ISOC1: variants seen among roughly 807,000 people sequenced by gnomAD.
ISOC1 encodes isochorismatase domain-containing protein 1.
Under a neutral mutation model 30.0 loss-of-function variants are expected in ISOC1, and 33 were observed. The ratio of observed to expected loss-of-function variants is 1.10; its 90% CI spans 0.83 to 1.47. The LOEUF (loss-of-function observed/expected upper bound fraction) is 1.47. Among genes scored for constraint, ISOC1 ranks in the 40% most tolerant of loss-of-function variants. The pLI, the probability that ISOC1 is intolerant of heterozygous loss-of-function variation, is 0.00. For missense variants in ISOC1, 372 were observed against 388.0 expected, an observed-to-expected ratio of 0.96 and a Z score of 0.35; for synonymous variants, 178 against 159.8, an observed-to-expected ratio of 1.11 and a Z score of -0.86.
At chr5:129,097,284 G>A (rs536619170) in intron 1 of ISOC1, among the ~76,000 whole-genome samples, 1 of 152,184 alleles carries the variant, frequency 6.6e-6, no homozygotes, top group Non-Finnish European at 1.5e-5. Context: ...TAGCTTAGAG[G>A]TAGATAAAGG....
chr5:129,112,333 A>C (rs1321134165), intron 4 of ISOC1, among the ~76,000 whole-genome samples: 1 of 152,102 alleles, frequency 6.6e-6, no homozygotes, highest in Middle Eastern at 3.2e-3. Context: ...ACAGAGGGGG[A>C]AAAGTGGACA....
At chr5:129,106,527 G>A (rs1753640085) in intron 3 of ISOC1, among the ~76,000 whole-genome samples, 1 of 152,036 alleles carries the variant, frequency 6.6e-6, no homozygotes, top group Non-Finnish European at 1.5e-5. Flanking sequence ...TTCCCACTAA[G>A]TTCTCAGTCT....
In ISOC1 at chr5:129,113,128, C is replaced by A; in HGVS notation, c.*127C>A. On this transcript the variant is annotated 3_prime_UTR_variant, in exon 5 of 5. Coordinates refer to ENST00000173527, the MANE Select transcript of ISOC1 (RefSeq NM_016048.2). ...TAAGTCAAAAACGGCTCCTTTTTTG[C>A]GCCTCCTAGTGAAACTTAACCAGCT... 1.2e-6 allele frequency: 1 copy of A among 809,194 alleles called. No homozygotes were observed. The highest frequency in any genetic ancestry group is 1.8e-6 in the Non-Finnish European group (1 of 547,158). The allele number at this position is 809,194 out of a possible 1,614,324, so 50.1% of individuals were successfully genotyped here.
Position 129,095,062 on chromosome 5 carries a change from C to A in ISOC1, c.296C>A (p.Pro99Gln). 6.3e-7 allele frequency: 1 copy of A among 1,578,854 alleles called. No homozygotes were observed. The highest frequency in any genetic ancestry group is 8.6e-7 in the Non-Finnish European group (1 of 1,165,828). ...VSERCKVRLV[P>Q]LQIQLTTLGN... ...GAGCGCTGCAAGGTGCGCCTCGTGC[C>A]GTTGCAGATCCAGGTGGGTCCTGCG... is the stretch of plus-strand genomic sequence containing the variant. Residue 99 changes from proline to glutamine, a missense_variant, in exon 1 of 5, where the codon CCG becomes CAG. Pro to Gln is a moderately conservative substitution (Grantham distance 76, BLOSUM62 -1). Transcript: ENST00000173527.
At chr5:129,099,815 A>G (rs977390036) in intron 1 of ISOC1, among the ~76,000 whole-genome samples, 3 of 152,222 alleles carry the variant, frequency 2.0e-5, no homozygotes, top group African/African-American at 4.8e-5. Context: ...GATTGATTAT[A>G]TGAAGCCCAT....
rs1156603818 is a variant in ISOC1, at chr5:129,101,161, CAAAAAAAAAAAA to C, written c.310-3774_310-3763del. Among the ~76,000 whole-genome samples, 39 of 19,494 alleles carry C rather than the reference CAAAAAAAAAAAA, an allele frequency of 2.0e-3. 1 individual carries two copies. The highest frequency in any genetic ancestry group is 2.2e-3 in the Admixed American group (2 of 906). 12.8% of individuals were successfully genotyped at this position (19,494 alleles called of 152,430 possible). On this transcript the variant is annotated intron_variant, in intron 1 of 4. Transcript: ENST00000173527. ...AGCTGGGCCACCAAGCTCAGCTAAT[CAAAAAAAAAAAA>C]AAAAAAAAAAAAAAAAAAAATATAT... is the stretch of plus-strand genomic sequence containing the variant.
rs747577941 is a variant in ISOC1 at position 129,106,991 on chromosome 5, G to A, written c.679G>A (p.Gly227Arg). Residue 227 changes from glycine to arginine, a missense_variant, in exon 4 of 5, where the codon GGA becomes AGA. Gly to Arg is a moderately radical substitution (Grantham distance 125). Transcript: ENST00000173527. ...AACTGCCCTGGAGCTAGTTGGCCGA[G>A]GAGTCGAGGTTCACATTGTTGCTGA... is the stretch of plus-strand genomic sequence containing the variant. ...QQTALELVGR[G>R]VEVHIVADAT... 6.2e-7 allele frequency: 1 copy of A among 1,613,858 alleles called. No homozygotes were observed. Among genetic ancestry groups the A allele is most frequent in the Admixed American group, 1.7e-5 (1 of 60,010 alleles).
chr5:129,101,610 G>A (rs1295192670), intron 1 of ISOC1, among the ~76,000 whole-genome samples: 1 of 152,146 alleles, frequency 6.6e-6, no homozygotes, highest in Non-Finnish European at 1.5e-5. Flanking sequence ...TTACCAGCAT[G>A]AGCCACCATG....
rs1753482911 is a variant in ISOC1 at position 129,095,344 on chromosome 5, G to A, written c.309+269G>A. Among the ~76,000 whole-genome samples the A allele has an allele frequency of 3.3e-5, 5 of 152,384 alleles. 1 individual carries two copies. The South Asian group carries it at 8.3e-4, about 25-fold the overall frequency. On this transcript the variant is annotated intron_variant, in intron 1 of 4. Coordinates refer to ENST00000173527, the MANE Select transcript of ISOC1 (RefSeq NM_016048.2). ...TCAGCGCCCGCGAACGCCCCCACGT[G>A]TGTGGTCCTCGGTCGCCCGCATCCG...
At chr5:129,106,575 G>A (rs910798084) in intron 3 of ISOC1, among the ~76,000 whole-genome samples, 1 of 152,124 alleles carries the variant, frequency 6.6e-6, no homozygotes, top group Non-Finnish European at 1.5e-5. Context: ...TGGACACTTA[G>A]GGTGAATGAA....
At chr5:129,097,868 G>GAA (rs1753524233) in intron 1 of ISOC1, 4 of 152,754 alleles carry the variant, frequency 2.6e-5, no homozygotes, top group African/African-American at 9.6e-5. Flanking sequence ...ATTTGTCTTG[G>GAA]TGCTGCTCCT....
intron 1 of ISOC1, among the ~76,000 whole-genome samples, chr5:129,104,308 T>C (rs1374387148): frequency 2.0e-5 from 3 of 152,172 alleles, no homozygotes; most frequent in Non-Finnish European, 4.4e-5. Flanking sequence ...TCTGTCTGTT[T>C]TTTGTTTTTA....
At chr5:129,101,232 A>G (rs1174571068) in intron 1 of ISOC1, among the ~76,000 whole-genome samples, 1 of 138,444 alleles carries the variant, frequency 7.2e-6, no homozygotes, top group Non-Finnish European at 1.5e-5. Context: ...GTAGTGGTTC[A>G]CACCTGTAAT....
At chr5:129,101,893 T>C (rs1753575988) in intron 1 of ISOC1, among the ~76,000 whole-genome samples, 1 of 152,198 alleles carries the variant, frequency 6.6e-6, no homozygotes, top group Non-Finnish European at 1.5e-5. Flanking sequence ...GTCAGATATT[T>C]TGGTAGAATG....
chr5:129,109,717 T>A (rs1301606717), intron 4 of ISOC1, among the ~76,000 whole-genome samples: 2 of 152,170 alleles, frequency 1.3e-5, no homozygotes, highest in African/African-American at 4.8e-5. Flanking sequence ...CTTGATTTGA[T>A]ACGGAGGCGA....
At chr5:129,109,761 A>G (rs1351712096) in intron 4 of ISOC1, among the ~76,000 whole-genome samples, 3 of 152,160 alleles carry the variant, frequency 2.0e-5, no homozygotes, top group Admixed American at 2.0e-4. Context: ...GAAGGGGGCA[A>G]TGTTAAGTGT....
intron 1 of ISOC1, among the ~76,000 whole-genome samples, chr5:129,099,160 T>G (rs1010235637): frequency 6.6e-6 from 1 of 152,244 alleles, no homozygotes; most frequent in African/African-American, 2.4e-5. Flanking sequence ...TAGAGCTACC[T>G]ATAAATAAAC....
At chr5:129,107,357 A>C (rs982200536) in intron 4 of ISOC1, among the ~76,000 whole-genome samples, 7 of 152,144 alleles carry the variant, frequency 4.6e-5, no homozygotes, top group Admixed American at 4.6e-4. Flanking sequence ...TATTCCAAGA[A>C]GCCTAACCTA....
chr5:129,103,237 T>C (rs903424679), intron 1 of ISOC1, among the ~76,000 whole-genome samples: 1 of 152,204 alleles, frequency 6.6e-6, no homozygotes, highest in Non-Finnish European at 1.5e-5. Flanking sequence ...GTTTTTAAAA[T>C]AGTATCCTAA....
Sources: allele counts gnomAD v4.1 joint callset (sites outside exome capture counted in the v4.1 genomes callset), GRCh38; gene constraint gnomAD v4.1.1; transcripts MANE v1.5; gene names NCBI Gene and HGNC (gene_info 2026-07-23, HGNC 2026-07-21).